The following RYR3 variants were observed in gnomAD, a reference collection of about 807,000 sequenced individuals.
RYR3 encodes the protein brain ryanodine receptor-calcium release channel.
A neutral mutation model predicts 584.3 loss-of-function variants in RYR3; 207 were observed. The observed-to-expected ratio is 0.35, with a 90% CI of 0.32 to 0.40. The LOEUF (loss-of-function observed/expected upper bound fraction) is 0.40. RYR3 is among the 10% of genes least tolerant of loss of function. The pLI is 1.00. For missense variants in RYR3, 5,616 were observed against 6,089.2 expected (o/e 0.92, Z 2.59); for synonymous variants, 2,416 against 2,248.5 (o/e 1.07, Z -2.11).
chr15:33,673,667 G>A (rs551773682), intron 38 of RYR3, among the ~76,000 whole-genome samples: 1 of 152,318 alleles, frequency 6.6e-6, no homozygotes, highest in African/African-American at 2.4e-5. Flanking sequence ...TCTTCCAGAA[G>A]AGGCTGACCA....
At chr15:33,340,038 G>C (rs548893051) in intron 1 of RYR3, among the ~76,000 whole-genome samples, 2 of 152,308 alleles carry the variant, frequency 1.3e-5, no homozygotes, top group South Asian at 4.1e-4. Context: ...CTGTCCAAAG[G>C]GCGTTTGGCC....
At chr15:33,614,308 A>G (rs1271636969) in intron 19 of RYR3, among the ~76,000 whole-genome samples, 1 of 152,204 alleles carries the variant, frequency 6.6e-6, no homozygotes. Flanking sequence ...CTTAATGTAC[A>G]TAACGGGTAA....
At chr15:33,600,820 G>A (rs1267797385) in intron 16 of RYR3, among the ~76,000 whole-genome samples, 1 of 152,162 alleles carries the variant, frequency 6.6e-6, no homozygotes, top group South Asian at 2.1e-4. Flanking sequence ...CTACGTGCAA[G>A]ACCTTAGCCA....
intron 1 of RYR3, among the ~76,000 whole-genome samples, chr15:33,398,083 G>A (rs1433080744): frequency 6.6e-6 from 1 of 152,134 alleles, no homozygotes; most frequent in African/African-American, 2.4e-5. Context: ...CAGTCCCAGC[G>A]AGATAAAATA....
chr15:33,422,096 C>T (rs1336585177), intron 1 of RYR3, among the ~76,000 whole-genome samples: 1 of 152,162 alleles, frequency 6.6e-6, no homozygotes, highest in African/African-American at 2.4e-5. Flanking sequence ...TTTCAATAAA[C>T]TCCTTCCCAC....
chr15:33,464,992 T>C (rs1233776395), intron 1 of RYR3, among the ~76,000 whole-genome samples: 3 of 152,206 alleles, frequency 2.0e-5, no homozygotes, highest in Non-Finnish European at 4.4e-5. Context: ...AGTACTTGCC[T>C]TTCTGCACGT....
chr15:33,366,347 G>A (rs142898476), intron 1 of RYR3, among the ~76,000 whole-genome samples: 159 of 152,206 alleles, frequency 1.0e-3, no homozygotes, highest in African/African-American at 3.7e-3. Context: ...AGTTCAAAAA[G>A]ACATGCTTAT....
At chr15:33,565,983 A>G (rs2057693315) in intron 11 of RYR3, among the ~76,000 whole-genome samples, 1 of 152,230 alleles carries the variant, frequency 6.6e-6, no homozygotes, top group African/African-American at 2.4e-5. Flanking sequence ...CATGTAAATC[A>G]TTGAATCTTC....
At chr15:33,507,168 C>CTG (rs2052553996) in intron 3 of RYR3, among the ~76,000 whole-genome samples, 1 of 152,208 alleles carries the variant, frequency 6.6e-6, no homozygotes, top group Admixed American at 6.5e-5. Flanking sequence ...ATGACTTCAG[C>CTG]TGTTTACTCA....
In RYR3 at chr15:33,412,428, G is replaced by C. The variant is rs920907998; in HGVS notation, c.52-60991G>C. Among the ~76,000 whole-genome samples the C allele has an allele frequency of 2.0e-5, 3 of 152,198 alleles. No individual in the cohort carries two copies. The highest frequency in any genetic ancestry group is 7.2e-5 in the African/African-American group (3 of 41,434). ...GCTCTATTTAAGGCTTCTGGAGAGA[G>C]AGCAGGTGGTGATATGTGGATTTCC... On this transcript the variant is annotated intron_variant, in intron 1 of 103. Coordinates refer to ENST00000634891, the MANE Select transcript of RYR3 (RefSeq NM_001036.6). The surrounding 1 kb of genome is among the most constrained non-coding windows in gnomAD (Gnocchi z 4.3).
intron 11 of RYR3, among the ~76,000 whole-genome samples, chr15:33,565,097 G>C (rs2077396): frequency 2.5e-5 from 3 of 120,704 alleles, no homozygotes; most frequent in Non-Finnish European, 3.6e-5. Flanking sequence ...AAGATTTCTC[G>C]CAGAGAAGGA....
rs1279855911 is a variant in RYR3 at position 33,724,217 on chromosome 15, A to G, written c.6912+41A>G. ...TCCAGAGAACAGCTTTGAGAAACCT[A>G]TGCCAAGAACACTATAGATTTCCTG... On this transcript the variant is annotated intron_variant, in intron 45 of 103. Coordinates refer to ENST00000634891, the MANE Select transcript of RYR3 (RefSeq NM_001036.6). 9 of 1,120,636 alleles carry G rather than the reference A, an allele frequency of 8.0e-6. 1 individual carries two copies. The highest frequency in any genetic ancestry group is 2.6e-5 in the South Asian group (2 of 75,484). 69.4% of individuals were successfully genotyped at this position (1,120,636 alleles called of 1,614,324 possible). A position where few individuals can be genotyped will look rare whatever the true frequency, so the allele number is the denominator to read the frequency against.
At position 33,696,292 on chromosome 15, in the gene RYR3, G is replaced by C; in HGVS notation, c.5935G>C (p.Val1979Leu). Reference protein sequence around the residue: ...QEDQIQDSELVRMMFNLLRRQ... With the variant: ...QEDQIQDSELLRMMFNLLRRQ... ...GGACCAGATCCAGGATTCAGAGCTG[G>C]TCCGAATGATGTTCAACCTCCTCCG... Residue 1979 changes from valine to leucine, a missense_variant, in exon 39 of 104, where the codon GTC becomes CTC. Val to Leu is a conservative substitution (Grantham distance 32). This residue lies in a region of RYR3 where 1,280 missense variants were observed against 1,426.2 expected (regional missense o/e 0.90). Transcript: ENST00000634891. 6.2e-7 allele frequency: 1 copy of C among 1,613,782 alleles called. No homozygotes were observed. The highest frequency in any genetic ancestry group is 2.2e-5 in the East Asian group (1 of 44,852).
chr15:33,755,790 A>G lies in RYR3; in HGVS notation c.8516-516A>G, dbSNP rs187047772. Among the ~76,000 whole-genome samples, 5 of 151,878 alleles carry G rather than the reference A, an allele frequency of 3.3e-5. No homozygotes were observed. The East Asian group carries it at 9.7e-4, about 29-fold the overall frequency. ...CTGCTTTCTTTCTTTTTTTTCTGAG[A>G]TGGAGTTTTGCTCTTGTTGCCCAGG... On this transcript the variant is annotated intron_variant, in intron 58 of 103. Coordinates refer to ENST00000634891, the MANE Select transcript of RYR3 (RefSeq NM_001036.6).
At chr15:33,448,429 CTG>C (rs1384771388) in intron 1 of RYR3, among the ~76,000 whole-genome samples, 2 of 152,242 alleles carry the variant, frequency 1.3e-5, no homozygotes, top group Non-Finnish European at 2.9e-5. Flanking sequence ...TCATGTTTCC[CTG>C]TGAGTTATAA....
At position 33,388,621 on chromosome 15, in the gene RYR3, G is replaced by A. The variant is rs76221551; in HGVS notation, c.51+77525G>A. ...GATAAATAAAATGCTATAAAATAAA[G>A]GAAATAGAGCTACGCTATACCATTG... On this transcript the variant is annotated intron_variant, in intron 1 of 103. Transcript: ENST00000634891. Among the ~76,000 whole-genome samples the A allele has an allele frequency of 1.6e-3, 242 of 152,216 alleles. 1 individual carries two copies. The highest frequency in any genetic ancestry group is 5.4e-3 in the African/African-American group (226 of 41,530).
intron 10 of RYR3, among the ~76,000 whole-genome samples, chr15:33,560,616 C>G (rs1374491986): frequency 6.6e-6 from 1 of 152,102 alleles, no homozygotes; most frequent in Non-Finnish European, 1.5e-5. Flanking sequence ...TTTTTAAGCA[C>G]TGCATTAGCT....
intron 65 of RYR3, among the ~76,000 whole-genome samples, chr15:33,782,240 T>C (rs1280971463): frequency 1.3e-5 from 2 of 152,216 alleles, no homozygotes; most frequent in Admixed American, 1.3e-4. Context: ...AAAGCCTAGG[T>C]TAGCTTTGGG....
At chr15:33,531,949 A>G (rs894512066) in intron 4 of RYR3, among the ~76,000 whole-genome samples, 1 of 152,188 alleles carries the variant, frequency 6.6e-6, no homozygotes, top group Non-Finnish European at 1.5e-5. Flanking sequence ...CTTCAAAAAC[A>G]AGCTAATATC....
Sources: allele counts gnomAD v4.1 joint callset (sites outside exome capture counted in the v4.1 genomes callset), GRCh38; gene constraint gnomAD v4.1.1; regional missense constraint gnomAD v4.1.1; non-coding constraint Gnocchi (gnomAD v3.1); transcripts MANE v1.5; gene names NCBI Gene and HGNC (gene_info 2026-07-23, HGNC 2026-07-21).